The following ADAM19 variants were observed in gnomAD, a reference collection of about 807,000 sequenced individuals.
ADAM19 encodes the protein disintegrin and metalloproteinase domain-containing protein 19.
Under a neutral mutation model 114.7 loss-of-function variants are expected in ADAM19, and 65 were observed. That is an observed-to-expected ratio of 0.57 (90% CI 0.46 to 0.70). The LOEUF is 0.70. ADAM19 is among the 30% of genes least tolerant of loss of function. The probability of loss-of-function intolerance (pLI) is 0.00; values close to 1 mark genes in which losing one functional copy is unlikely to be tolerated. For missense variants in ADAM19, 1,063 were observed against 1,204.7 expected, an observed-to-expected ratio of 0.88 and a Z score of 1.74; for synonymous variants, 466 against 460.5, an observed-to-expected ratio of 1.01 and a Z score of -0.15.
intron 8 of ADAM19, among the ~76,000 whole-genome samples, 187 bp downstream of exon 8, chr5:157,513,247 G>T (rs188502782): frequency 6.6e-6 from 1 of 152,078 alleles, no homozygotes; most frequent in East Asian, 1.9e-4. Context: ...GCAACACAAA[G>T]AAAATGAGTT....
intron 21 of ADAM19, among the ~76,000 whole-genome samples, chr5:157,487,534 G>C (rs77433691): frequency 6.6e-6 from 1 of 152,190 alleles, no homozygotes; most frequent in Non-Finnish European, 1.5e-5. Flanking sequence ...CCACCCGGCC[G>C]CCACCCAGGA....
chr5:157,514,717 A>G (rs116914376), intron 7 of ADAM19, among the ~76,000 whole-genome samples: 2 of 152,326 alleles, frequency 1.3e-5, no homozygotes, highest in East Asian at 3.9e-4. Context: ...ACATTTTAGT[A>G]TGAATACCTC....
At chr5:157,556,514 C>T (rs749396940) in intron 3 of ADAM19, among the ~76,000 whole-genome samples, 9 of 151,996 alleles carry the variant, frequency 5.9e-5, no homozygotes, top group Admixed American at 3.9e-4. Context: ...CCACCATGCC[C>T]GGCCTCAAGA....
intron 17 of ADAM19, 32 bp from the exon 18 acceptor site, chr5:157,491,755 C>T (rs1337253578): frequency 1.9e-6 from 3 of 1,610,456 alleles, no homozygotes; most frequent in East Asian, 2.2e-5. Flanking sequence ...GGCATCAGCA[C>T]CCCAGAGAGC....
intron 5 of ADAM19, among the ~76,000 whole-genome samples, chr5:157,529,605 G>A: frequency 6.6e-6 from 1 of 152,180 alleles, no homozygotes; most frequent in Non-Finnish European, 1.5e-5. Context: ...CCCAGGTAAA[G>A]TTGATGCTGC....
At chr5:157,512,477 C>G (rs17601035) in intron 8 of ADAM19, among the ~76,000 whole-genome samples, 10,631 of 152,252 alleles carry the variant, frequency 0.07, 488 homozygotes, top group Middle Eastern at 0.13. Flanking sequence ...TTACCAGATT[C>G]TCAAAGAGAC....
At chr5:157,523,577 C>T (rs1447412362) in intron 5 of ADAM19, among the ~76,000 whole-genome samples, 1 of 152,204 alleles carries the variant, frequency 6.6e-6, no homozygotes, top group Admixed American at 6.5e-5. Context: ...TTGATCTCTG[C>T]ACACACAGGC....
At chr5:157,502,323 C>T (rs1392905866) in intron 12 of ADAM19, among the ~76,000 whole-genome samples, 1 of 152,164 alleles carries the variant, frequency 6.6e-6, no homozygotes, top group Admixed American at 6.5e-5. Context: ...ACAGTTCCTC[C>T]TAGCAGCCCT....
chr5:157,563,867 T>C (rs1162443634), intron 3 of ADAM19, among the ~76,000 whole-genome samples: 4 of 152,196 alleles, frequency 2.6e-5, no homozygotes, highest in African/African-American at 9.7e-5. Flanking sequence ...CCGGGCCCGA[T>C]GTAGCCAGGA....
intron 7 of ADAM19, among the ~76,000 whole-genome samples, chr5:157,514,157 GA>G (rs1285762671): frequency 5.3e-5 from 8 of 152,140 alleles, no homozygotes; most frequent in Admixed American, 5.2e-4. Context: ...AACGTGCACA[GA>G]AATAACCACA....
At chr5:157,549,430 G>A (rs1757131308) in intron 3 of ADAM19, among the ~76,000 whole-genome samples, 1 of 152,182 alleles carries the variant, frequency 6.6e-6, no homozygotes, top group Non-Finnish European at 1.5e-5. Flanking sequence ...TACAGTTTTA[G>A]GTTCCCTTTG....
At chr5:157,518,389 A>AT (rs1325501333) in intron 7 of ADAM19, among the ~76,000 whole-genome samples, 2 of 151,832 alleles carry the variant, frequency 1.3e-5, no homozygotes, top group Admixed American at 6.6e-5. Context: ...CTTTGGTCAG[A>AT]TTTTTTTTCT....
At chr5:157,551,360 C>T (rs555452595) in intron 3 of ADAM19, among the ~76,000 whole-genome samples, 31 of 147,086 alleles carry the variant, frequency 2.1e-4, no homozygotes, top group Admixed American at 1.9e-3. Context: ...GCTGAGATTG[C>T]GCCATTGCAC....
At chr5:157,573,890 T>A (rs764135313) in intron 1 of ADAM19, among the ~76,000 whole-genome samples, 1 of 152,254 alleles carries the variant, frequency 6.6e-6, no homozygotes, top group Non-Finnish European at 1.5e-5. Context: ...CCAATGCTTG[T>A]ATCACCCCTT....
rs200894535 is a variant in ADAM19, at chr5:157,530,816, C to T, written c.398G>A (p.Arg133Gln). The T allele has an allele frequency of 9.9e-6, 16 of 1,614,064 alleles. No homozygotes were observed. The highest frequency in any genetic ancestry group is 6.8e-6 in the Non-Finnish European group (8 of 1,179,952). The change falls in exon 5 of 23, where the codon CGA (arginine) becomes CAA (glutamine). Residue 133 changes from arginine (R) to glutamine (Q), a missense_variant. Physicochemically the swap from Arg to Gln is conservative, Grantham distance 43 (BLOSUM62 1). Transcript: ENST00000257527. ...CCTCAGGGTCTCTTACCTAATTCCT[C>T]GGCAAGTGCTGAGCGTGACGCTGGA... is the stretch of plus-strand genomic sequence containing the variant. ...ELSSVTLSTC[R>Q]GIRGLITVSS...
rs746421410 is a variant in ADAM19, at chr5:157,502,787, C to G, written c.1308+16G>C. 6 of 1,611,190 alleles carry G rather than the reference C, an allele frequency of 3.7e-6. No homozygotes were observed. In the East Asian group the frequency reaches 1.3e-4, roughly 36 times the overall value. ...CAAATTCTTCCCCTCCCACTAGCACCATTGTGACCCCTCACCTCTTCTTCT... is the reference window on the plus strand; with the variant it reads ...CAAATTCTTCCCCTCCCACTAGCACGATTGTGACCCCTCACCTCTTCTTCT... On this transcript the variant is annotated intron_variant, in intron 12 of 22. Coordinates refer to ENST00000257527, the MANE Select transcript of ADAM19 (RefSeq NM_033274.5).
chr5:157,513,302 TG>T (rs1412668335), intron 8 of ADAM19, 131 bp downstream of exon 8: 6 of 803,862 alleles, frequency 7.5e-6, no homozygotes, highest in Non-Finnish European at 1.3e-5. Context: ...ATGACCGCCC[TG>T]GGCCTCTATG....
intron 7 of ADAM19, among the ~76,000 whole-genome samples, chr5:157,517,814 G>C (rs1203957556): frequency 1.3e-5 from 2 of 152,234 alleles, no homozygotes; most frequent in African/African-American, 4.8e-5. Context: ...TGTCTGATTT[G>C]AGGAACATGG....
chr5:157,484,914 T>C (rs1754885722), intron 21 of ADAM19, among the ~76,000 whole-genome samples: 1 of 152,234 alleles, frequency 6.6e-6, no homozygotes, highest in Non-Finnish European at 1.5e-5. Flanking sequence ...ATGTCAGCAC[T>C]GGGCCTCCCA....
Sources: allele counts gnomAD v4.1 joint callset (sites outside exome capture counted in the v4.1 genomes callset), GRCh38; gene constraint gnomAD v4.1.1; transcripts MANE v1.5; gene names NCBI Gene and HGNC (gene_info 2026-07-23, HGNC 2026-07-21).